Variants in CPNE4 observed in about 807,000 individuals in gnomAD.
CPNE4 encodes copine 4, also known as copine-4.
In CPNE4, 25 loss-of-function variants were observed where a neutral mutation model predicts 67.9. That is an observed-to-expected ratio of 0.37 (90% CI 0.27 to 0.51). The LOEUF is 0.51. Among genes scored for constraint, CPNE4 ranks in the 20% least tolerant of loss-of-function variants. CPNE4 has a pLI of 0.93. For missense variants in CPNE4, 464 were observed against 690.8 expected (o/e 0.67, Z 3.68); for synonymous variants, 242 against 244.9 (o/e 0.99, Z 0.11).
chr3:131,545,743 A>T (rs1935799590), intron 14 of CPNE4, among the ~76,000 whole-genome samples: 1 of 152,184 alleles, frequency 6.6e-6, no homozygotes, highest in Non-Finnish European at 1.5e-5. Flanking sequence ...GGTTTACTTT[A>T]TAATATGGGT....
At position 131,657,704 on chromosome 3, in the gene CPNE4, TTGTGTGTGTGTGTGTGTG is replaced by T. The variant is rs56890555; in HGVS notation, c.681+11953_681+11970del. ...CACGTGCCACCACGTCCAGCTAATT[TTGTGTGTGTGTGTGTGTG>T]TGTGTGTGTGTGTGTGTGTGTTTAG... On this transcript the variant is annotated intron_variant, in intron 7 of 15. Coordinates refer to ENST00000429747, the MANE Select transcript of CPNE4 (RefSeq NM_130808.3). Among the ~76,000 whole-genome samples the T allele has an allele frequency of 4.9e-3, 684 of 140,934 alleles. 2 individuals are homozygous for T. The highest frequency in any genetic ancestry group is 0.01 in the Middle Eastern group (3 of 288). 92.5% of individuals were successfully genotyped at this position (140,934 alleles called of 152,430 possible). A position where few individuals can be genotyped will look rare whatever the true frequency, so the allele number is the denominator to read the frequency against.
intron 7 of CPNE4, among the ~76,000 whole-genome samples, chr3:131,639,443 C>A (rs939462801): frequency 2.0e-5 from 3 of 152,130 alleles, no homozygotes; most frequent in African/African-American, 7.2e-5. Flanking sequence ...ATATACAACC[C>A]TCCTAGATTA....
rs191284625 is a variant in CPNE4 at position 131,840,079 on chromosome 3, G to A, written c.180+65185C>T. ...TGAGGGAGAACTTGGTGAGTGCCAT[G>A]AGGGGTTAGGTTAGTAAAGGGAAAA... is the stretch of plus-strand genomic sequence containing the variant. On this transcript the variant is annotated intron_variant, in intron 2 of 15. Coordinates refer to ENST00000429747, the MANE Select transcript of CPNE4 (RefSeq NM_130808.3). Among the ~76,000 whole-genome samples, 94 of 152,284 alleles carry A rather than the reference G, an allele frequency of 6.2e-4. 1 individual carries two copies. Among genetic ancestry groups the A allele is most frequent in the African/African-American group, 2.1e-3 (87 of 41,562 alleles).
intron 7 of CPNE4, among the ~76,000 whole-genome samples, chr3:131,630,338 C>T (rs570484359): frequency 2.6e-5 from 4 of 152,184 alleles, no homozygotes; most frequent in African/African-American, 9.6e-5. Flanking sequence ...TGTGGCTGAC[C>T]AATGGCAACT....
intron 6 of CPNE4, among the ~76,000 whole-genome samples, chr3:131,683,600 G>A (rs796317065): frequency 5.3e-5 from 8 of 152,190 alleles, no homozygotes; most frequent in African/African-American, 1.7e-4. Context: ...TATGGGGCAC[G>A]CATTCCTTGG....
intron 1 of CPNE4, among the ~76,000 whole-genome samples, chr3:131,930,821 T>A (rs2107830379): frequency 6.6e-6 from 1 of 152,246 alleles, no homozygotes; most frequent in East Asian, 1.9e-4. Context: ...AAAGGACTTA[T>A]TGAATAGTGG....
At chr3:131,963,781 T>C (rs1283969157) in intron 1 of CPNE4, among the ~76,000 whole-genome samples, 1 of 152,138 alleles carries the variant, frequency 6.6e-6, no homozygotes, top group Non-Finnish European at 1.5e-5. Flanking sequence ...ACAGAGCAGC[T>C]GGGGGAAGGA....
chr3:131,778,280 G>T (rs1433767680), intron 2 of CPNE4, among the ~76,000 whole-genome samples: 1 of 152,062 alleles, frequency 6.6e-6, no homozygotes, highest in East Asian at 1.9e-4. Flanking sequence ...CACTCCATGG[G>T]TACCACTGCC....
At chr3:131,655,430 GC>G (rs2079929706) in intron 7 of CPNE4, among the ~76,000 whole-genome samples, 1 of 152,202 alleles carries the variant, frequency 6.6e-6, no homozygotes, top group Non-Finnish European at 1.5e-5. Context: ...ATTGGGAGTA[GC>G]AGGGGTGATT....
chr3:131,592,486 C>T (rs1938593636), intron 7 of CPNE4, among the ~76,000 whole-genome samples: 1 of 152,108 alleles, frequency 6.6e-6, no homozygotes, highest in South Asian at 2.1e-4. Flanking sequence ...TTACTATTTA[C>T]AGGTTAACTG....
chr3:131,790,685 G>A (rs558242142), intron 2 of CPNE4, among the ~76,000 whole-genome samples: 2 of 152,052 alleles, frequency 1.3e-5, no homozygotes, highest in South Asian at 2.1e-4. Context: ...GCTCAGTTAG[G>A]TGCTCCTCAG....
At chr3:131,552,362 C>A in intron 13 of CPNE4, 78 bp downstream of exon 13, 1 of 1,212,684 alleles carries the variant, frequency 8.2e-7, no homozygotes, top group East Asian at 2.3e-5. Context: ...ATATGCTACA[C>A]CAGCAGAGAT....
chr3:131,816,448 A>G (rs1361901492), intron 2 of CPNE4, among the ~76,000 whole-genome samples: 1 of 152,234 alleles, frequency 6.6e-6, no homozygotes, highest in Admixed American at 6.5e-5. Context: ...AGAAGAGATC[A>G]ATCATTTACT....
chr3:131,698,257 A>T (rs2081206577), intron 4 of CPNE4, among the ~76,000 whole-genome samples: 3 of 149,444 alleles, frequency 2.0e-5, no homozygotes, highest in African/African-American at 7.4e-5. Flanking sequence ...AAAAAAAGAA[A>T]GAAAAGAAAA....
intron 2 of CPNE4, among the ~76,000 whole-genome samples, chr3:131,775,945 C>T (rs193222600): frequency 8.9e-4 from 135 of 152,254 alleles, no homozygotes; most frequent in African/African-American, 3.2e-3. Context: ...TTAAAGAGGC[C>T]CCTGGCTTCC....
intron 7 of CPNE4, among the ~76,000 whole-genome samples, chr3:131,635,750 A>G (rs1436253318): frequency 6.6e-6 from 1 of 152,202 alleles, no homozygotes; most frequent in Non-Finnish European, 1.5e-5. Flanking sequence ...AGGAGGCAAG[A>G]CTAGCTTGCA....
chr3:131,970,481 C>A (rs1303548659), intron 1 of CPNE4, among the ~76,000 whole-genome samples: 1 of 152,080 alleles, frequency 6.6e-6, no homozygotes, highest in Non-Finnish European at 1.5e-5. Context: ...TGGTCTAATC[C>A]CAAAGTTTGT....
At chr3:132,014,859 A>T (rs2178388) in intron 1 of CPNE4, among the ~76,000 whole-genome samples, 136,787 of 152,182 alleles carry the variant, frequency 0.9, 61,733 homozygotes, top group Non-Finnish European at 0.93. Context: ...GTGGAAAAAA[A>T]TTGACTTTTG....
intron 1 of CPNE4, among the ~76,000 whole-genome samples, chr3:131,975,715 G>A (rs866889021): frequency 6.6e-6 from 1 of 152,168 alleles, no homozygotes; most frequent in African/African-American, 2.4e-5. Context: ...GTAAGGTAGG[G>A]AAATCAGAGT....
Sources: gnomAD v4.1 joint callset for allele counts (sites outside exome capture counted in the v4.1 genomes callset) on GRCh38, gnomAD v4.1.1 for gene constraint, MANE v1.5 for transcripts, NCBI Gene and HGNC (gene_info 2026-07-23, HGNC 2026-07-21) for gene names.